RIMBP2: variants seen among roughly 807,000 people sequenced by gnomAD.
RIMBP2 encodes the protein RIMS-binding protein 2.
A neutral mutation model predicts 118.6 loss-of-function variants in RIMBP2; 48 were observed. That is an observed-to-expected ratio of 0.40 (90% CI 0.32 to 0.51). The LOEUF is 0.51. Ranked by LOEUF, RIMBP2 falls within the 20% of genes least tolerant of loss-of-function variation. The pLI is 0.41. For synonymous variants in RIMBP2, 762 were observed against 742.9 expected (o/e 1.03, Z -0.42); for missense variants, 1,551 against 1,768.3 (o/e 0.88, Z 2.20).
chr12:130,448,682 C>T (rs1475052816), intron 9 of RIMBP2, among the ~76,000 whole-genome samples: 4 of 152,260 alleles, frequency 2.6e-5, no homozygotes, highest in Non-Finnish European at 4.4e-5. Flanking sequence ...AGCCTCTCAG[C>T]GCTGTGATGC....
At chr12:130,436,699 C>T in intron 13 of RIMBP2, 143 bp downstream of exon 13, 1 of 544,808 alleles carries the variant, frequency 1.8e-6, no homozygotes, top group South Asian at 7.4e-5. Context: ...ACAGAGTCCA[C>T]CAGCAAAGCG....
intron 1 of RIMBP2, among the ~76,000 whole-genome samples, chr12:130,674,857 T>C (rs1418156481): frequency 6.6e-6 from 1 of 151,894 alleles, no homozygotes; most frequent in Non-Finnish European, 1.5e-5. Flanking sequence ...CGTGGGATCC[T>C]GTAACACGTG....
chr12:130,627,758 C>A (rs2061732261), intron 2 of RIMBP2, among the ~76,000 whole-genome samples: 1 of 152,150 alleles, frequency 6.6e-6, no homozygotes, highest in South Asian at 2.1e-4. Flanking sequence ...GCAGGTCCTG[C>A]TGCCCCAATA....
At chr12:130,629,915 A>G (rs907016595) in intron 1 of RIMBP2, among the ~76,000 whole-genome samples, 18 of 151,430 alleles carry the variant, frequency 1.2e-4, no homozygotes, top group Admixed American at 6.6e-4. Context: ...GGAAGAGTAA[A>G]AGAACATAAT....
chr12:130,500,224 C>T (rs1566151822), intron 4 of RIMBP2, among the ~76,000 whole-genome samples: 1 of 152,284 alleles, frequency 6.6e-6, no homozygotes, highest in South Asian at 2.1e-4. Flanking sequence ...CTTTGGGAGG[C>T]TAAGACAGGC....
chr12:130,698,219 T>C (rs1436786785), intron 1 of RIMBP2, among the ~76,000 whole-genome samples: 3 of 151,920 alleles, frequency 2.0e-5, no homozygotes, highest in Non-Finnish European at 4.4e-5. Flanking sequence ...CCAGAGGGGG[T>C]GCAACCGTGA....
chr12:130,424,646 G>A lies in RIMBP2; in HGVS notation c.2625C>T (p.Gly875=), dbSNP rs1038490481. The A allele has an allele frequency of 1.7e-4, 206 of 1,231,650 alleles. No homozygotes were observed. The highest frequency in any genetic ancestry group is 3.1e-4 in the Middle Eastern group (1 of 3,232). 76.3% of individuals were successfully genotyped at this position (1,231,650 alleles called of 1,614,324 possible). The change falls in exon 16 of 23, where the codon GGC becomes GGT. Residue 875 remains glycine, a synonymous_variant. Coordinates refer to ENST00000690449, the MANE Select transcript of RIMBP2 (RefSeq NM_001393629.1). The surrounding 1 kb of genome is among the most constrained non-coding windows in gnomAD (Gnocchi z 9.8). ...REPRPGRPYR[G]DEAPRGSWFP... Reference sequence around the variant, plus strand: ...ACCAGGAGCCCCGAGGGGCCTCGTCGCCCCTGTAGGGCCTGCCGGGCCTGG... The same window carrying A: ...ACCAGGAGCCCCGAGGGGCCTCGTCACCCCTGTAGGGCCTGCCGGGCCTGG...
At chr12:130,659,442 CGCCT>C (rs2063560917) in intron 1 of RIMBP2, among the ~76,000 whole-genome samples, 1 of 130,150 alleles carries the variant, frequency 7.7e-6, no homozygotes, top group African/African-American at 2.6e-5. Flanking sequence ...GTGGTGGTGG[CGCCT>C]GTAGTCCCAG....
chr12:130,476,546 C>T (rs1303968826), intron 5 of RIMBP2, among the ~76,000 whole-genome samples: 5 of 152,212 alleles, frequency 3.3e-5, no homozygotes, highest in South Asian at 4.1e-4. Flanking sequence ...CCCAGCTACC[C>T]GGCCTTCTTC....
At chr12:130,645,650 C>T (rs577758991) in intron 1 of RIMBP2, among the ~76,000 whole-genome samples, 54 of 152,312 alleles carry the variant, frequency 3.5e-4, no homozygotes, top group Admixed American at 1.4e-3. Context: ...CAAGAGGAGT[C>T]GGCGTTAGCC....
rs113759829 is a variant in RIMBP2 at position 130,527,302 on chromosome 12, T to G, written c.-216-9385A>C. Among the ~76,000 whole-genome samples the G allele has an allele frequency of 1.2e-4, 18 of 152,376 alleles. 1 individual carries two copies. The highest frequency in any genetic ancestry group is 4.3e-4 in the African/African-American group (18 of 41,594). On this transcript the variant is annotated intron_variant, in intron 2 of 22. Transcript: ENST00000690449. ...AAGGGACTGGCACTAAAACAATTGC[T>G]TCTGGTTTCCCAGTGTCGGGGGAGG...
chr12:130,606,204 C>T (rs2060176348), intron 2 of RIMBP2, among the ~76,000 whole-genome samples: 1 of 152,146 alleles, frequency 6.6e-6, no homozygotes, highest in South Asian at 2.1e-4. Context: ...ATTGGCCCTG[C>T]CTGAGAGTCT....
At chr12:130,399,950 G>C (rs2074371339) in intron 21 of RIMBP2, 137 bp from the exon 22 acceptor site, 2 of 983,132 alleles carry the variant, frequency 2.0e-6, no homozygotes, top group Non-Finnish European at 2.9e-6. Context: ...GACTTGAAAG[G>C]ACTCTAAATC....
chr12:130,705,255 T>G (rs1017445781), intron 1 of RIMBP2, among the ~76,000 whole-genome samples: 11 of 152,062 alleles, frequency 7.2e-5, no homozygotes, highest in South Asian at 2.1e-4. Context: ...GGAGAACCAA[T>G]GAGATGTTAA....
intron 6 of RIMBP2, among the ~76,000 whole-genome samples, chr12:130,463,769 G>A (rs1031457751): frequency 8.6e-5 from 13 of 151,916 alleles, no homozygotes; most frequent in Non-Finnish European, 4.4e-5. Context: ...ACTGGGCTGC[G>A]TTCCCAGATG....
intron 2 of RIMBP2, among the ~76,000 whole-genome samples, chr12:130,570,171 C>G (rs1035076518): frequency 6.6e-6 from 1 of 152,138 alleles, no homozygotes; most frequent in African/African-American, 2.4e-5. Flanking sequence ...CACCTGTAAT[C>G]CTAGCACTTT....
At chr12:130,638,741 A>T (rs2141012807) in intron 1 of RIMBP2, among the ~76,000 whole-genome samples, 1 of 152,264 alleles carries the variant, frequency 6.6e-6, no homozygotes, top group East Asian at 1.9e-4. Flanking sequence ...ACATTGCGGA[A>T]AAGGCAAAAC....
intron 2 of RIMBP2, among the ~76,000 whole-genome samples, chr12:130,608,207 G>A (rs892445080): frequency 6.6e-6 from 1 of 152,170 alleles, no homozygotes. Context: ...TTGTGAATGG[G>A]CAAGTTCTCC....
rs1379673097 is a variant in RIMBP2, at chr12:130,576,064, T to C, written c.-217+52258A>G. Among the ~76,000 whole-genome samples, 5 of 150,664 alleles carry C rather than the reference T, an allele frequency of 3.3e-5. No individual in the cohort carries two copies. The highest frequency in any genetic ancestry group is 7.4e-5 in the Non-Finnish European group (5 of 67,712). On this transcript the variant is annotated intron_variant, in intron 2 of 22. Coordinates refer to ENST00000690449, the MANE Select transcript of RIMBP2 (RefSeq NM_001393629.1). The surrounding 1 kb of genome is among the most constrained non-coding windows in gnomAD (Gnocchi z 4.2). ...AACTGCCAGTGTGGAGACATCACAG[T>C]GGGAACTGTGTACTCTGCAGGGAGG...
Sources: gnomAD v4.1 joint callset for allele counts (sites outside exome capture counted in the v4.1 genomes callset) on GRCh38, gnomAD v4.1.1 for gene constraint, Gnocchi (gnomAD v3.1) non-coding constraint, MANE v1.5 for transcripts, NCBI Gene and HGNC (gene_info 2026-07-23, HGNC 2026-07-21) for gene names.